Variants in NPSR1 observed in about 807,000 individuals in gnomAD.
NPSR1 encodes the protein neuropeptide S receptor 1.
A neutral mutation model predicts 46.9 loss-of-function variants in NPSR1; 48 were observed. The observed-to-expected ratio is 1.02, with a 90% CI of 0.81 to 1.30. The LOEUF is 1.30. NPSR1 is among the 50% of genes most tolerant of loss of function. NPSR1 has a pLI of 0.00. For synonymous variants in NPSR1, 176 were observed against 168.1 expected (o/e 1.05, Z -0.36); for missense variants, 450 against 449.5 (o/e 1.00, Z -0.01).
chr7:34,844,957 C>T lies in NPSR1; in HGVS notation c.819C>T (p.Ile273=). 2 of 1,611,802 alleles carry T rather than the reference C, an allele frequency of 1.2e-6. No individual in the cohort carries two copies. Among genetic ancestry groups the T allele is most frequent in the African/African-American group, 1.3e-5 (1 of 75,020 alleles). The change falls in exon 7 of 9, where the codon ATC becomes ATT. Residue 273 remains isoleucine, a synonymous_variant. Transcript: ENST00000360581. The part of the protein sequence containing the change: ...GLISKAKIKA[I]KYSIIIILAF... ...TCTCAAAGGCAAAAATCAAGGCTAT[C>T]AAGTATAGCATCATCATCATTCTTG... is the stretch of plus-strand genomic sequence containing the variant.
At chr7:34,827,965 A>T (rs1789941050) in intron 5 of NPSR1, among the ~76,000 whole-genome samples, 2 of 152,226 alleles carry the variant, frequency 1.3e-5, no homozygotes, top group Non-Finnish European at 2.9e-5. Context: ...AACAGGATTG[A>T]TATCCAGGTT....
chr7:34,809,045 C>T (rs1788849834), intron 3 of NPSR1, among the ~76,000 whole-genome samples: 1 of 152,158 alleles, frequency 6.6e-6, no homozygotes, highest in African/African-American at 2.4e-5. Context: ...TCACCTCCCT[C>T]AAGACAGCCA....
At chr7:34,718,260 C>A (rs1172884449) in intron 2 of NPSR1, among the ~76,000 whole-genome samples, 1 of 152,132 alleles carries the variant, frequency 6.6e-6, no homozygotes, top group Non-Finnish European at 1.5e-5. Context: ...GACAAAAATG[C>A]AGCTTGCATT....
At chr7:34,700,166 G>A (rs533880502) in intron 2 of NPSR1, among the ~76,000 whole-genome samples, 69 of 152,262 alleles carry the variant, frequency 4.5e-4, no homozygotes, top group Non-Finnish European at 8.2e-4. Context: ...TCAAGGAACC[G>A]GAGGTTGTCC....
Position 34,834,402 on chromosome 7 carries a change from G to T in NPSR1, c.699G>T (p.Val233=), listed in dbSNP as rs764464848. 1 of 1,613,500 alleles carries T rather than the reference G, an allele frequency of 6.2e-7. No homozygotes were observed. Among genetic ancestry groups the T allele is most frequent in the South Asian group, 1.1e-5 (1 of 91,058 alleles). ...TCTGCAGCATCATGTATGGCATTGT[G>T]ATCCGAACTATTTGGATTAAAAGCA... ...LTIISIMYGI[V]IRTIWIKSKT... The change falls in exon 6 of 9, where the codon GTG becomes GTT. Residue 233 remains valine (V), a synonymous_variant. Coordinates refer to ENST00000360581, the MANE Select transcript of NPSR1 (RefSeq NM_207172.2).
chr7:34,861,665 TA>T (rs1211080652), intron 8 of NPSR1, among the ~76,000 whole-genome samples: 1 of 151,776 alleles, frequency 6.6e-6, no homozygotes, highest in Admixed American at 6.5e-5. Flanking sequence ...GCACAGGTAA[TA>T]TTTACACATG....
intron 7 of NPSR1, 113 bp from the exon 8 acceptor site, chr7:34,848,370 T>G: frequency 3.6e-6 from 3 of 837,960 alleles, no homozygotes; most frequent in Non-Finnish European, 5.8e-6. Flanking sequence ...CCAATATTTC[T>G]GAGAAATTCC....
At chr7:34,784,320 T>A (rs986387206) in intron 3 of NPSR1, among the ~76,000 whole-genome samples, 2 of 152,094 alleles carry the variant, frequency 1.3e-5, no homozygotes, top group Admixed American at 6.6e-5. Context: ...GGCTGTGGGT[T>A]TGTCATAGAT....
intron 2 of NPSR1, among the ~76,000 whole-genome samples, chr7:34,774,849 AC>A (rs1562717731): frequency 6.6e-6 from 1 of 152,200 alleles, no homozygotes; most frequent in Non-Finnish European, 1.5e-5. Flanking sequence ...AGTATATGGG[AC>A]CAAAAATATT....
In NPSR1 at chr7:34,794,414, A is replaced by C. The variant is rs325454; in HGVS notation, c.384+15849A>C. On this transcript the variant is annotated intron_variant, in intron 3 of 8. Coordinates refer to ENST00000360581, the MANE Select transcript of NPSR1 (RefSeq NM_207172.2). ...CGTTAAGAAAGGAATATTATGAACA[A>C]TCTTATCTCACAGATTTTATAACCT... 8.6e-3 allele frequency among the ~76,000 whole-genome samples: 1,316 copies of C among 152,254 alleles called. 18 individuals are homozygous for C. The highest frequency in any genetic ancestry group is 0.031 in the African/African-American group (1,272 of 41,562).
chr7:34,834,172 C>A (rs1323830768), intron 5 of NPSR1: 2 of 576,274 alleles, frequency 3.5e-6, no homozygotes, highest in African/African-American at 3.7e-5. Flanking sequence ...AGGTCTTAGC[C>A]TCCTCACTTA....
chr7:34,699,890 T>G (rs905779366), intron 2 of NPSR1, among the ~76,000 whole-genome samples: 1 of 152,116 alleles, frequency 6.6e-6, no homozygotes, highest in African/African-American at 2.4e-5. Context: ...GGGGAGATAA[T>G]AGGAGCTTCA....
At chr7:34,724,928 C>T (rs114731254) in intron 2 of NPSR1, among the ~76,000 whole-genome samples, 1,626 of 152,160 alleles carry the variant, frequency 0.011, 28 homozygotes, top group African/African-American at 0.037. Flanking sequence ...TTAAATAAAA[C>T]CGCAAATGTC....
downstream of NPSR1, among the ~76,000 whole-genome samples, chr7:34,853,127 C>T (rs1194559624): frequency 6.6e-6 from 1 of 152,204 alleles, no homozygotes; most frequent in Non-Finnish European, 1.5e-5. Context: ...GCTTAAACTT[C>T]CTAGCTTCAT....
chr7:34,677,262 A>C (rs1792366090), intron 1 of NPSR1, among the ~76,000 whole-genome samples: 1 of 152,194 alleles, frequency 6.6e-6, no homozygotes. Context: ...ATTAGGCAGA[A>C]ACTTCATTTC....
At chr7:34,714,691 G>T (rs180739725) in intron 2 of NPSR1, among the ~76,000 whole-genome samples, 40 of 152,262 alleles carry the variant, frequency 2.6e-4, no homozygotes, top group African/African-American at 9.6e-4. Flanking sequence ...GGGGTCTACA[G>T]GTTACTCATC....
chr7:34,711,095 C>T (rs930582570), intron 2 of NPSR1: 3 of 307,078 alleles, frequency 9.8e-6, no homozygotes, highest in African/African-American at 2.2e-5. Flanking sequence ...GCTTCTTCGC[C>T]TTTGTCAGAT....
At chr7:34,737,538 T>G (rs1479244190) in intron 2 of NPSR1, among the ~76,000 whole-genome samples, 1 of 152,218 alleles carries the variant, frequency 6.6e-6, no homozygotes, top group African/African-American at 2.4e-5. Context: ...GGCTCTGGTT[T>G]AAGTACCCTT....
At chr7:34,874,412 T>A (rs1791530212) in intron 8 of NPSR1, among the ~76,000 whole-genome samples, 1 of 152,064 alleles carries the variant, frequency 6.6e-6, no homozygotes, top group South Asian at 2.1e-4. Flanking sequence ...ATTCAAAGAT[T>A]CCTGGGTAGA....
Sources: allele counts gnomAD v4.1 joint callset (sites outside exome capture counted in the v4.1 genomes callset), GRCh38; gene constraint gnomAD v4.1.1; transcripts MANE v1.5; gene names NCBI Gene and HGNC (gene_info 2026-07-23, HGNC 2026-07-21).